The following ADGRL3 variants were observed in gnomAD, a reference collection of about 807,000 sequenced individuals.
ADGRL3 encodes adhesion G protein-coupled receptor L3.
In ADGRL3, 62 loss-of-function variants were observed where a neutral mutation model predicts 153.5. That is an observed-to-expected ratio of 0.40 (90% CI 0.33 to 0.50). The LOEUF (loss-of-function observed/expected upper bound fraction) is 0.50, where lower values mean the gene tolerates loss of function less well. Among genes scored for constraint, ADGRL3 ranks in the 20% least tolerant of loss-of-function variants. ADGRL3 has a pLI of 0.47. For synonymous variants in ADGRL3, 710 were observed against 672.5 expected (o/e 1.06, Z -0.86); for missense variants, 1,641 against 1,859.4 (o/e 0.88, Z 2.16).
At chr4:61,854,982 A>C (rs1229487407) in intron 9 of ADGRL3, among the ~76,000 whole-genome samples, 2 of 152,316 alleles carry the variant, frequency 1.3e-5, no homozygotes, top group East Asian at 1.9e-4. Flanking sequence ...AATGTCTTTA[A>C]ACACACCCTA....
intron 2 of ADGRL3, among the ~76,000 whole-genome samples, chr4:61,423,719 T>G (rs17291961): frequency 0.041 from 6,207 of 152,246 alleles, 366 homozygotes; most frequent in East Asian, 0.21. Flanking sequence ...TTTCAGACTT[T>G]TAAAGCCTGC....
At chr4:61,552,862 G>T (rs10019669) in intron 4 of ADGRL3, among the ~76,000 whole-genome samples, 30,376 of 152,030 alleles carry the variant, frequency 0.2, 3,393 homozygotes, top group Non-Finnish European at 0.25. Context: ...TTTCTTTGTT[G>T]TCTTGTGTCT....
intron 4 of ADGRL3, among the ~76,000 whole-genome samples, chr4:61,536,830 C>T (rs1579398170): frequency 6.6e-6 from 1 of 151,652 alleles, no homozygotes; most frequent in African/African-American, 2.4e-5. Context: ...TCTTTTTTTT[C>T]CCAATTTGCC....
intron 8 of ADGRL3, among the ~76,000 whole-genome samples, chr4:61,754,301 G>A (rs1393285446): frequency 6.6e-6 from 1 of 151,940 alleles, no homozygotes; most frequent in Non-Finnish European, 1.5e-5. Flanking sequence ...TTGAAAATAA[G>A]AATAATCAAC....
chr4:61,541,346 ATTTTTTTTTTTT>A (rs3075146), intron 4 of ADGRL3, among the ~76,000 whole-genome samples: 4 of 103,338 alleles, frequency 3.9e-5, no homozygotes, highest in Non-Finnish European at 5.5e-5. Context: ...TCTGGTAGAG[ATTTTTTTTTTTT>A]TTTTTTTTTT....
chr4:62,004,149 G>A (rs2099149853), intron 21 of ADGRL3, among the ~76,000 whole-genome samples: 1 of 151,836 alleles, frequency 6.6e-6, no homozygotes, highest in South Asian at 2.1e-4. Flanking sequence ...AAATCAAATG[G>A]ACATATTCCT....
At chr4:62,026,204 TGA>T (rs1255205365) in intron 21 of ADGRL3, among the ~76,000 whole-genome samples, 1 of 152,154 alleles carries the variant, frequency 6.6e-6, no homozygotes, top group Non-Finnish European at 1.5e-5. Context: ...CTCTGTTTTG[TGA>T]GAGTCTCATA....
chr4:61,425,911 A>G (rs1035671152), intron 2 of ADGRL3, among the ~76,000 whole-genome samples: 18 of 152,212 alleles, frequency 1.2e-4, no homozygotes, highest in Admixed American at 2.6e-4. Flanking sequence ...CTTTAGGTGC[A>G]TTGAGGCAGG....
chr4:61,454,556 A>G (rs1054390179), intron 2 of ADGRL3, among the ~76,000 whole-genome samples: 1 of 152,126 alleles, frequency 6.6e-6, no homozygotes, highest in African/African-American at 2.4e-5. Flanking sequence ...GTTAACATGA[A>G]TAAATCATAA....
At chr4:61,323,487 C>T (rs918558484) in intron 1 of ADGRL3, among the ~76,000 whole-genome samples, 2 of 152,116 alleles carry the variant, frequency 1.3e-5, no homozygotes, top group Non-Finnish European at 2.9e-5. Flanking sequence ...TTCAACAGCA[C>T]CCAAGTCACC....
At chr4:61,459,053 A>C (rs1237304054) in intron 2 of ADGRL3, among the ~76,000 whole-genome samples, 1 of 151,498 alleles carries the variant, frequency 6.6e-6, no homozygotes, top group Non-Finnish European at 1.5e-5. Flanking sequence ...TTTAAGGAAA[A>C]GATTATTTTC....
At position 61,376,564 on chromosome 4, in the gene ADGRL3, C is replaced by T. The variant is rs970262317; in HGVS notation, c.-239-6560C>T. ...GTATTTAAAGGAGAGCAGGAAACCCCCTGCCCCAGGTCATTAGTCCATCTT... is the reference window on the plus strand; with the variant it reads ...GTATTTAAAGGAGAGCAGGAAACCCTCTGCCCCAGGTCATTAGTCCATCTT... On this transcript the variant is annotated intron_variant, in intron 1 of 26. Transcript: ENST00000683033. Among the ~76,000 whole-genome samples the T allele has an allele frequency of 1.1e-4, 16 of 152,078 alleles. No homozygotes were observed. In the East Asian group the frequency reaches 2.9e-3, roughly 28 times the overall value.
intron 9 of ADGRL3, among the ~76,000 whole-genome samples, chr4:61,849,341 A>T (rs576299258): frequency 7.2e-5 from 11 of 152,290 alleles, no homozygotes; most frequent in African/African-American, 2.6e-4. Context: ...TTACCAATGA[A>T]GTATTGTTTC....
At chr4:62,022,131 A>G (rs1453742085) in intron 21 of ADGRL3, among the ~76,000 whole-genome samples, 2 of 152,200 alleles carry the variant, frequency 1.3e-5, no homozygotes, top group African/African-American at 4.8e-5. Flanking sequence ...AATCTATTGA[A>G]CACATGAATA....
intron 23 of ADGRL3, among the ~76,000 whole-genome samples, chr4:62,036,072 A>C (rs1724823032): frequency 6.6e-6 from 1 of 152,122 alleles, no homozygotes. Flanking sequence ...GTAAACACTA[A>C]ACAAAAATAA....
At chr4:61,939,571 G>T (rs1458330607) in intron 15 of ADGRL3, among the ~76,000 whole-genome samples, 1 of 151,540 alleles carries the variant, frequency 6.6e-6, no homozygotes, top group Non-Finnish European at 1.5e-5. Flanking sequence ...CCGGATTCAA[G>T]TGATTCTCCT....
intron 1 of ADGRL3, among the ~76,000 whole-genome samples, chr4:61,285,475 T>G (rs1423968300): frequency 2.0e-5 from 3 of 151,782 alleles, no homozygotes; most frequent in Non-Finnish European, 4.4e-5. Flanking sequence ...TCCATTTGGG[T>G]TGGTTCTCAT....
chr4:61,656,362 T>TGG (rs76225203), intron 5 of ADGRL3, among the ~76,000 whole-genome samples: 54 of 151,078 alleles, frequency 3.6e-4, no homozygotes, highest in African/African-American at 1.3e-3. Flanking sequence ...CTTTTTTTTG[T>TGG]GGGGGGGGTG....
intron 24 of ADGRL3, among the ~76,000 whole-genome samples, 185 bp from the exon 25 acceptor site, chr4:62,044,268 C>G (rs185436218): frequency 2.0e-5 from 3 of 151,820 alleles, no homozygotes; most frequent in Admixed American, 2.0e-4. Context: ...TAATGAGAAC[C>G]ATATATTATC....
Sources: gnomAD v4.1 joint callset for allele counts (sites outside exome capture counted in the v4.1 genomes callset) on GRCh38, gnomAD v4.1.1 for gene constraint, MANE v1.5 for transcripts, NCBI Gene and HGNC (gene_info 2026-07-23, HGNC 2026-07-21) for gene names.